Variants in ERBB4 observed in about 807,000 individuals in gnomAD.
ERBB4 encodes receptor tyrosine-protein kinase erbB-4.
Under a neutral mutation model 158.0 loss-of-function variants are expected in ERBB4, and 42 were observed. That is an observed-to-expected ratio of 0.27 (90% CI 0.21 to 0.34). ERBB4 has a LOEUF of 0.34. Among genes scored for constraint, ERBB4 ranks in the 10% least tolerant of loss-of-function variants. ERBB4 has a pLI of 1.00. For synonymous variants in ERBB4, 583 were observed against 558.7 expected, an observed-to-expected ratio of 1.04 and a Z score of -0.61; for missense variants, 1,333 against 1,624.1, an observed-to-expected ratio of 0.82 and a Z score of 3.08.
At chr2:212,287,850 T>TCC in intron 1 of ERBB4, among the ~76,000 whole-genome samples, 1 of 152,150 alleles carries the variant, frequency 6.6e-6, no homozygotes, top group African/African-American at 2.4e-5. Context: ...GGGAGTTAAA[T>TCC]GATGAAAACA....
At chr2:212,422,257 C>A (rs536484261) in intron 1 of ERBB4, among the ~76,000 whole-genome samples, 1 of 152,246 alleles carries the variant, frequency 6.6e-6, no homozygotes, top group Non-Finnish European at 1.5e-5. Context: ...TTAATCGCAG[C>A]ACTTTGGGAG....
chr2:211,570,927 C>T (rs1014087716), intron 19 of ERBB4, among the ~76,000 whole-genome samples: 1 of 152,076 alleles, frequency 6.6e-6, no homozygotes, highest in Non-Finnish European at 1.5e-5. Flanking sequence ...CATTACATTT[C>T]CCCAGCCTGC....
intron 1 of ERBB4, among the ~76,000 whole-genome samples, chr2:212,237,207 G>A (rs188480192): frequency 2.6e-5 from 4 of 152,148 alleles, no homozygotes; most frequent in East Asian, 3.9e-4. Context: ...CCTCATCTTC[G>A]TGGATTTATC....
At chr2:211,943,326 A>G (rs2080558625) in intron 3 of ERBB4, among the ~76,000 whole-genome samples, 1 of 152,048 alleles carries the variant, frequency 6.6e-6, no homozygotes, top group Non-Finnish European at 1.5e-5. Flanking sequence ...TTTGAATAGG[A>G]ATGTTTGGTT....
chr2:211,514,063 C>G (rs13407837), intron 20 of ERBB4, among the ~76,000 whole-genome samples: 2,725 of 152,186 alleles, frequency 0.018, 80 homozygotes, highest in African/African-American at 0.062. Flanking sequence ...CTAGGGAACA[C>G]TAGGACTTAT....
intron 1 of ERBB4, among the ~76,000 whole-genome samples, chr2:212,507,677 G>C (rs943481458): frequency 3.9e-5 from 6 of 152,188 alleles, no homozygotes; most frequent in African/African-American, 1.2e-4. Flanking sequence ...ATATGTGACT[G>C]AATTGCTGCA....
chr2:212,247,525 T>C (rs1345013354), intron 1 of ERBB4, among the ~76,000 whole-genome samples: 1 of 152,196 alleles, frequency 6.6e-6, no homozygotes, highest in Non-Finnish European at 1.5e-5. Context: ...GTGGTAAAAT[T>C]ATTAGAATTG....
intron 1 of ERBB4, among the ~76,000 whole-genome samples, chr2:212,259,532 A>G (rs2084857006): frequency 6.6e-6 from 1 of 152,216 alleles, no homozygotes; most frequent in Non-Finnish European, 1.5e-5. Context: ...CAAATGATAC[A>G]ATATATATTA....
At position 212,173,609 on chromosome 2, in the gene ERBB4, A is replaced by C. The variant is rs191665001; in HGVS notation, c.83-48706T>G. 3.5e-3 allele frequency among the ~76,000 whole-genome samples: 530 copies of C among 152,252 alleles called. 14 individuals carry two copies. Among genetic ancestry groups the C allele is most frequent in the Admixed American group, 0.033 (504 of 15,280 alleles). ...GGAGATTTCACTGAATGCATGCACA[A>C]CACCCCTTCCCCAACAGAAGCAATT... On this transcript the variant is annotated intron_variant, in intron 1 of 27. Transcript: ENST00000342788.
At chr2:212,141,614 G>A (rs1468417790) in intron 1 of ERBB4, among the ~76,000 whole-genome samples, 1 of 151,306 alleles carries the variant, frequency 6.6e-6, no homozygotes, top group Non-Finnish European at 1.5e-5. Flanking sequence ...TTAATAAATG[G>A]CACCCCTTTC....
chr2:212,405,576 T>C (rs2091322554), intron 1 of ERBB4, among the ~76,000 whole-genome samples: 2 of 152,008 alleles, frequency 1.3e-5, no homozygotes, highest in African/African-American at 2.4e-5. Flanking sequence ...ATGAATACAG[T>C]TCTAAATAGG....
At chr2:211,901,887 T>G (rs2079244932) in intron 3 of ERBB4, among the ~76,000 whole-genome samples, 1 of 152,146 alleles carries the variant, frequency 6.6e-6, no homozygotes, top group Non-Finnish European at 1.5e-5. Context: ...TAATTTACAA[T>G]GTTTTTAAAA....
intron 10 of ERBB4, among the ~76,000 whole-genome samples, chr2:211,704,929 A>C (rs2073380874): frequency 6.6e-6 from 1 of 152,008 alleles, no homozygotes; most frequent in African/African-American, 2.4e-5. Flanking sequence ...TTCCAATCTT[A>C]TGTAACTTTT....
chr2:211,715,312 C>G (rs1280278035), intron 7 of ERBB4, among the ~76,000 whole-genome samples: 2 of 152,136 alleles, frequency 1.3e-5, no homozygotes, highest in Non-Finnish European at 2.9e-5. Flanking sequence ...TCCACCACAA[C>G]AAAGAGTCAC....
chr2:212,358,631 A>G (rs796921646), intron 1 of ERBB4, among the ~76,000 whole-genome samples: 24 of 151,890 alleles, frequency 1.6e-4, no homozygotes, highest in African/African-American at 5.8e-4. Context: ...GTATATATTT[A>G]CCCTGTTTAA....
intron 2 of ERBB4, among the ~76,000 whole-genome samples, chr2:212,003,499 C>T (rs539243009): frequency 3.9e-5 from 6 of 152,130 alleles, no homozygotes; most frequent in Admixed American, 2.6e-4. Context: ...ACAGCCAATT[C>T]GTGCTGACTT....
In ERBB4 at chr2:212,284,040, T is replaced by C. The variant is rs16848153; in HGVS notation, c.83-159137A>G. Among the ~76,000 whole-genome samples the C allele has an allele frequency of 8.1e-3, 1,238 of 152,146 alleles. 56 individuals are homozygous for C. Among genetic ancestry groups the C allele is most frequent in the East Asian group, 0.078 (401 of 5,168 alleles). On this transcript the variant is annotated intron_variant, in intron 1 of 27. Coordinates refer to ENST00000342788, the MANE Select transcript of ERBB4 (RefSeq NM_005235.3). The stretch of plus-strand genomic sequence containing the variant: ...ATTTTTTTTCTGGGTACAGTGAACA[T>C]AGCTAGAACAGTTACTATGTGAAGA...
intron 1 of ERBB4, among the ~76,000 whole-genome samples, chr2:212,495,951 A>G (rs567069936): frequency 6.6e-6 from 1 of 152,274 alleles, no homozygotes; most frequent in African/African-American, 2.4e-5. Flanking sequence ...TGATTTTTGT[A>G]ATTATATAAA....
chr2:212,437,492 CA>C (rs10714742), intron 1 of ERBB4, among the ~76,000 whole-genome samples: 78,961 of 127,544 alleles, frequency 0.62, 22,334 homozygotes, highest in African/African-American at 0.74. Flanking sequence ...TGTTCTGATA[CA>C]AAAAAAAAAA....
Sources: gnomAD v4.1 joint callset for allele counts (sites outside exome capture counted in the v4.1 genomes callset) on GRCh38, gnomAD v4.1.1 for gene constraint, MANE v1.5 for transcripts, NCBI Gene and HGNC (gene_info 2026-07-23, HGNC 2026-07-21) for gene names.